HCN1: variants seen among roughly 807,000 people sequenced by gnomAD.
HCN1 encodes the protein potassium/sodium hyperpolarization-activated cyclic nucleotide-gated channel 1.
In HCN1, 13 loss-of-function variants were observed where a neutral mutation model predicts 78.9. The observed-to-expected ratio is 0.16, with a 90% CI of 0.11 to 0.26. HCN1 has a LOEUF of 0.26. HCN1 is among the 10% of genes least tolerant of loss of function. The probability of loss-of-function intolerance (pLI) is 1.00; values close to 1 mark genes in which losing one functional copy is unlikely to be tolerated. For synonymous variants in HCN1, 552 were observed against 455.5 expected (o/e 1.21, Z -2.70); for missense variants, 810 against 1,154.3 (o/e 0.70, Z 4.32).
Position 45,696,353 on chromosome 5 carries a change from C to G in HCN1, c.-260G>C, listed in dbSNP as rs1016244172. ...CGGCTGGTGCTGAAGCTGAGGCTGC[C>G]GGAGCTAGGCGAGGCTCAGCTCGGC... On this transcript the variant is annotated 5_prime_UTR_variant, in exon 1 of 8. Coordinates refer to ENST00000303230, the MANE Select transcript of HCN1 (RefSeq NM_021072.4). The G allele has an allele frequency of 1.3e-5, 2 of 154,826 alleles. No individual in the cohort carries two copies. Among genetic ancestry groups the G allele is most frequent in the Admixed American group, 6.5e-5 (1 of 15,416 alleles). 9.6% of individuals were successfully genotyped at this position (154,826 alleles called of 1,614,324 possible).
chr5:45,430,109 T>G (rs1490362041), intron 3 of HCN1, among the ~76,000 whole-genome samples: 2 of 152,098 alleles, frequency 1.3e-5, no homozygotes, highest in Non-Finnish European at 2.9e-5. Flanking sequence ...CCCTGGATAA[T>G]AAAATTAATA....
At chr5:45,277,855 T>C (rs552524622) in intron 6 of HCN1, among the ~76,000 whole-genome samples, 76 of 152,194 alleles carry the variant, frequency 5.0e-4, no homozygotes, top group African/African-American at 1.8e-3. Context: ...TTGGGGAGAT[T>C]TAAAGTAAAG....
intron 2 of HCN1, among the ~76,000 whole-genome samples, chr5:45,471,665 A>C (rs1336740874): frequency 6.6e-6 from 1 of 151,948 alleles, no homozygotes; most frequent in East Asian, 1.9e-4. Flanking sequence ...TTTATCTTAC[A>C]ATGTGTATTT....
intron 2 of HCN1, chr5:45,558,334 A>G (rs1579968163): frequency 1.3e-5 from 2 of 152,284 alleles, no homozygotes; most frequent in East Asian, 3.9e-4. Context: ...TGACGTTAGC[A>G]GAGGTTGGTT....
At chr5:45,623,058 C>G (rs556092771) in intron 2 of HCN1, among the ~76,000 whole-genome samples, 7 of 152,308 alleles carry the variant, frequency 4.6e-5, no homozygotes, top group Non-Finnish European at 1.0e-4. Context: ...CATGATTACA[C>G]CTAGCCAAAG....
intron 4 of HCN1, among the ~76,000 whole-genome samples, chr5:45,363,134 A>T (rs948115815): frequency 2.8e-5 from 3 of 108,352 alleles, no homozygotes; most frequent in African/African-American, 4.3e-5. Flanking sequence ...ATAACATATT[A>T]TATATATATA....
At chr5:45,277,338 G>A (rs1745084392) in intron 6 of HCN1, among the ~76,000 whole-genome samples, 1 of 152,006 alleles carries the variant, frequency 6.6e-6, no homozygotes, top group South Asian at 2.1e-4. Flanking sequence ...TAATTTTGGG[G>A]AATTGATTGA....
At chr5:45,391,033 G>A (rs1019338330) in intron 4 of HCN1, among the ~76,000 whole-genome samples, 8 of 151,902 alleles carry the variant, frequency 5.3e-5, no homozygotes, top group Non-Finnish European at 1.2e-4. Context: ...AACATACCAC[G>A]GTATGTTAAA....
intron 4 of HCN1, among the ~76,000 whole-genome samples, chr5:45,395,686 G>T (rs946466826): frequency 1.3e-5 from 2 of 152,076 alleles, no homozygotes; most frequent in African/African-American, 2.4e-5. Context: ...TTGGCAAGGT[G>T]CATGACTCTG....
chr5:45,332,205 G>A (rs1746359071), intron 5 of HCN1, among the ~76,000 whole-genome samples: 1 of 151,356 alleles, frequency 6.6e-6, no homozygotes, highest in Non-Finnish European at 1.5e-5. Context: ...TGGGTACATA[G>A]TAGTTGTATA....
At chr5:45,581,060 G>A (rs1252300419) in intron 2 of HCN1, among the ~76,000 whole-genome samples, 2 of 152,254 alleles carry the variant, frequency 1.3e-5, no homozygotes, top group East Asian at 3.9e-4. Flanking sequence ...CCCAGTAATG[G>A]GATGGCTGGG....
At chr5:45,560,086 T>C (rs925879136) in intron 2 of HCN1, 2 of 152,186 alleles carry the variant, frequency 1.3e-5, no homozygotes, top group Non-Finnish European at 2.9e-5. Flanking sequence ...ACATAGTTTA[T>C]AGTATAGTGT....
chr5:45,404,660 T>C (rs1739884320), intron 3 of HCN1, among the ~76,000 whole-genome samples: 1 of 110,912 alleles, frequency 9.0e-6, no homozygotes, highest in South Asian at 2.9e-4. Flanking sequence ...ATATTGTTAC[T>C]AAATTTAGGG....
chr5:45,439,992 GATA>G lies in HCN1; in HGVS notation c.1011+21851_1011+21853del, dbSNP rs1372941162. ...TTAAATATCATATATAATATATAATGATAATATTATATAATGTATTATATAGTA... is the reference window on the plus strand; with the variant it reads ...TTAAATATCATATATAATATATAATGATATTATATAATGTATTATATAGTA... On this transcript the variant is annotated intron_variant, in intron 3 of 7. Transcript: ENST00000303230. 1.8e-4 allele frequency among the ~76,000 whole-genome samples: 26 copies of G among 147,410 alleles called. No homozygotes were observed. The East Asian group carries it at 3.7e-3, about 21-fold the overall frequency.
At chr5:45,303,485 C>T (rs1219637419) in intron 6 of HCN1, 114 bp downstream of exon 6, 1 of 992,872 alleles carries the variant, frequency 1.0e-6, no homozygotes, top group Non-Finnish European at 1.6e-6. Flanking sequence ...TCAGAATTCA[C>T]ATACAGGTTT....
At chr5:45,666,876 A>G (rs1053518649) in intron 1 of HCN1, among the ~76,000 whole-genome samples, 1 of 152,060 alleles carries the variant, frequency 6.6e-6, no homozygotes, top group African/African-American at 2.4e-5. Context: ...GCACCTCAAT[A>G]TCATGAAAAT....
At chr5:45,625,408 G>A (rs1745144426) in intron 2 of HCN1, among the ~76,000 whole-genome samples, 1 of 152,008 alleles carries the variant, frequency 6.6e-6, no homozygotes, top group South Asian at 2.1e-4. Context: ...CAAAGATAAG[G>A]TAGGGCACCC....
intron 2 of HCN1, among the ~76,000 whole-genome samples, chr5:45,490,818 A>G (rs906578493): frequency 3.9e-5 from 6 of 151,912 alleles, no homozygotes; most frequent in Non-Finnish European, 5.9e-5. Flanking sequence ...TAATTCCTCA[A>G]TTTTTGCTCC....
At chr5:45,519,809 A>ATT (rs533217954) in intron 2 of HCN1, among the ~76,000 whole-genome samples, 39 of 147,194 alleles carry the variant, frequency 2.6e-4, no homozygotes, top group South Asian at 2.4e-3. Context: ...TTTAAAATGT[A>ATT]TTTTTTTTTT....
Sources: allele counts gnomAD v4.1 joint callset (sites outside exome capture counted in the v4.1 genomes callset), GRCh38; gene constraint gnomAD v4.1.1; transcripts MANE v1.5; gene names NCBI Gene and HGNC (gene_info 2026-07-23, HGNC 2026-07-21).